AGBL4: variants seen among roughly 807,000 people sequenced by gnomAD.
The protein encoded by AGBL4 is cytosolic carboxypeptidase 6.
Under a neutral mutation model 66.4 loss-of-function variants are expected in AGBL4, and 58 were observed. The ratio of observed to expected loss-of-function variants is 0.87; its 90% confidence interval spans 0.71 to 1.09. The LOEUF is 1.09. AGBL4 is among the 50% of genes least tolerant of loss of function. The pLI is 0.00. For synonymous variants in AGBL4, 234 were observed against 222.9 expected (o/e 1.05, Z -0.44); for missense variants, 579 against 631.0 (o/e 0.92, Z 0.88).
At chr1:49,229,018 C>G (rs1220870311) in intron 4 of AGBL4, among the ~76,000 whole-genome samples, 1 of 152,182 alleles carries the variant, frequency 6.6e-6, no homozygotes, top group East Asian at 1.9e-4. Context: ...TCATTATTTT[C>G]CAAACACACC....
chr1:49,566,654 T>C (rs1395022534), intron 3 of AGBL4, among the ~76,000 whole-genome samples: 1 of 152,212 alleles, frequency 6.6e-6, no homozygotes, highest in Non-Finnish European at 1.5e-5. Context: ...ATCGTTCCTC[T>C]GGAAGTTTTG....
intron 3 of AGBL4, among the ~76,000 whole-genome samples, chr1:49,485,207 C>A (rs1647039129): frequency 6.6e-6 from 1 of 151,772 alleles, no homozygotes; most frequent in Non-Finnish European, 1.5e-5. Context: ...GGAACCAACC[C>A]AAATGTCCAA....
At chr1:49,691,055 G>A (rs1571337155) in intron 3 of AGBL4, among the ~76,000 whole-genome samples, 1 of 152,214 alleles carries the variant, frequency 6.6e-6, no homozygotes, top group Non-Finnish European at 1.5e-5. Flanking sequence ...TCAATAACAG[G>A]TTTTGAAAGA....
intron 2 of AGBL4, among the ~76,000 whole-genome samples, chr1:49,810,270 A>C (rs1043098315): frequency 9.2e-5 from 14 of 152,156 alleles, no homozygotes; most frequent in Non-Finnish European, 1.6e-4. Context: ...TACTAGATAC[A>C]AGAATCTATT....
intron 2 of AGBL4, among the ~76,000 whole-genome samples, chr1:49,771,047 G>C (rs1271960140): frequency 6.6e-6 from 1 of 151,492 alleles, no homozygotes; most frequent in Admixed American, 6.6e-5. Flanking sequence ...TACCAATTTT[G>C]GGTTGATTGT....
At chr1:49,293,825 T>C (rs536912891) in intron 3 of AGBL4, among the ~76,000 whole-genome samples, 27 of 152,344 alleles carry the variant, frequency 1.8e-4, no homozygotes, top group African/African-American at 6.0e-4. Context: ...GGCAGTTTCA[T>C]TGAAAATTTC....
chr1:49,419,098 C>A (rs1415684095), intron 3 of AGBL4, among the ~76,000 whole-genome samples: 1 of 151,982 alleles, frequency 6.6e-6, no homozygotes, highest in Non-Finnish European at 1.5e-5. Flanking sequence ...TGTAACTGAC[C>A]AGATAAGTAA....
intron 1 of AGBL4, among the ~76,000 whole-genome samples, chr1:49,939,431 C>G (rs1654495385): frequency 6.6e-6 from 1 of 152,146 alleles, no homozygotes; most frequent in Non-Finnish European, 1.5e-5. Context: ...CTGGAGGCAT[C>G]ACGCTACCTG....
intron 3 of AGBL4, among the ~76,000 whole-genome samples, chr1:49,406,497 CCAAG>C (rs1334235322): frequency 1.3e-5 from 2 of 151,962 alleles, no homozygotes; most frequent in Admixed American, 1.3e-4. Flanking sequence ...ATTTAAATTA[CCAAG>C]CAAAGGGTAC....
chr1:49,341,401 A>G (rs115804617), intron 3 of AGBL4, among the ~76,000 whole-genome samples: 1,813 of 152,248 alleles, frequency 0.012, 31 homozygotes, highest in African/African-American at 0.042. Flanking sequence ...CCAATATAAG[A>G]GAGTTAAAGT....
chr1:49,958,520 AAG>A (rs1463674616), intron 1 of AGBL4, among the ~76,000 whole-genome samples: 1 of 152,084 alleles, frequency 6.6e-6, no homozygotes, highest in African/African-American at 2.4e-5. Context: ...AGCCATAAAA[AAG>A]GATAAGTTCA....
At chr1:48,577,604 A>T (rs894793936) in intron 11 of AGBL4, among the ~76,000 whole-genome samples, 5 of 152,158 alleles carry the variant, frequency 3.3e-5, no homozygotes, top group Non-Finnish European at 7.3e-5. Context: ...GGCAGGAGAC[A>T]TTCAGAAATC....
intron 4 of AGBL4, among the ~76,000 whole-genome samples, chr1:49,097,169 T>G (rs1323465083): frequency 6.6e-6 from 1 of 152,210 alleles, no homozygotes; most frequent in Non-Finnish European, 1.5e-5. Flanking sequence ...TCTACTCCTG[T>G]ATACCCAACA....
At chr1:49,195,953 G>T (rs1647232452) in intron 4 of AGBL4, among the ~76,000 whole-genome samples, 1 of 152,042 alleles carries the variant, frequency 6.6e-6, no homozygotes, top group Non-Finnish European at 1.5e-5. Context: ...AGATCTGATG[G>T]TTTCATAAGG....
Position 49,780,571 on chromosome 1 carries a change from CTA to C in AGBL4, c.157+70823_157+70824del, listed in dbSNP as rs144547387. ...GGGTTTGTAATGCCTGTGAGATATA[CTA>C]TGATTTTAAAATAGCACAAAAGGGG... On this transcript the variant is annotated intron_variant, in intron 2 of 13. Coordinates refer to ENST00000371839, the MANE Select transcript of AGBL4 (RefSeq NM_032785.4). 9.4e-3 allele frequency among the ~76,000 whole-genome samples: 1,426 copies of C among 151,806 alleles called. 18 individuals are homozygous for C. The highest frequency in any genetic ancestry group is 0.033 in the African/African-American group (1,361 of 41,400).
intron 3 of AGBL4, among the ~76,000 whole-genome samples, chr1:49,566,701 C>T (rs186253327): frequency 6.6e-5 from 10 of 152,248 alleles, no homozygotes; most frequent in East Asian, 1.9e-4. Flanking sequence ...GGTGTCAGTC[C>T]GCCCCTACTG....
intron 3 of AGBL4, among the ~76,000 whole-genome samples, chr1:49,470,606 T>C (rs1251138597): frequency 1.3e-5 from 2 of 152,024 alleles, no homozygotes; most frequent in African/African-American, 4.8e-5. Flanking sequence ...TGGAAGTAGC[T>C]TTCCATAAGA....
At chr1:50,006,344 A>AT (rs1661130609) in intron 1 of AGBL4, among the ~76,000 whole-genome samples, 3 of 152,058 alleles carry the variant, frequency 2.0e-5, no homozygotes, top group Admixed American at 2.0e-4. Flanking sequence ...GCCTCAAAAA[A>AT]AAAAAAAAAG....
At chr1:48,954,025 T>C (rs951625139) in intron 5 of AGBL4, among the ~76,000 whole-genome samples, 1 of 152,064 alleles carries the variant, frequency 6.6e-6, no homozygotes, top group Non-Finnish European at 1.5e-5. Flanking sequence ...CCGAGCAGAG[T>C]GCTTAGGGGG....
Sources: allele counts gnomAD v4.1 joint callset (sites outside exome capture counted in the v4.1 genomes callset), GRCh38; gene constraint gnomAD v4.1.1; transcripts MANE v1.5; gene names NCBI Gene and HGNC (gene_info 2026-07-23, HGNC 2026-07-21).